Variants in PREPL observed in about 807,000 individuals in gnomAD.
PREPL encodes prolyl endopeptidase like, also known as prolyl endopeptidase-like.
PREPL carries 77 observed loss-of-function variants against 70.6 expected under a neutral mutation model. The observed-to-expected ratio is 1.09, with a 90% CI of 0.91 to 1.32. The LOEUF (loss-of-function observed/expected upper bound fraction) is 1.32. Ranked by LOEUF, PREPL falls within the 40% of genes most tolerant of loss-of-function variation. The probability of loss-of-function intolerance (pLI) is 0.00; values close to 1 mark genes in which losing one functional copy is unlikely to be tolerated. For missense variants in PREPL, 1,002 were observed against 778.2 expected, an observed-to-expected ratio of 1.29 and a Z score of -3.42; for synonymous variants, 315 against 264.8, an observed-to-expected ratio of 1.19 and a Z score of -1.84.
chr2:44,321,385 C>G lies in PREPL; in HGVS notation c.1888G>C (p.Glu630Gln), dbSNP rs892455452. Residue 630 changes from glutamate (E) to glutamine (Q), a missense_variant, in exon 14 of 14, where the codon GAG (glutamate) becomes CAG (glutamine). Coordinates refer to ENST00000409411, the MANE Select transcript of PREPL (RefSeq NM_001171613.2). The stretch of plus-strand genomic sequence containing the variant: ...AATTTCAGGTATTTCTTAAGATCCT[C>G]GAAAACACTGGTGCTGTCAAGTCCA... ...ELGLDSTSVF[E>Q]DLKKYLKF 6.2e-7 allele frequency: 1 copy of G among 1,612,066 alleles called. No individual in the cohort carries two copies. The highest frequency in any genetic ancestry group is 8.5e-7 in the Non-Finnish European group (1 of 1,178,490).
intron 1 of PREPL, among the ~76,000 whole-genome samples, chr2:44,349,515 G>A (rs1676179801): frequency 6.6e-6 from 1 of 152,062 alleles, no homozygotes; most frequent in African/African-American, 2.4e-5. Context: ...TTCAATTTAG[G>A]AAAACAGAAA....
In PREPL at chr2:44,318,707, A is replaced by G. The variant is rs1672656534; in HGVS notation, c.*2649T>C. On this transcript the variant is annotated 3_prime_UTR_variant, in exon 14 of 14. Transcript: ENST00000409411. ...GTGAAGCTATGGAAAGGTGTTGAAGAAAACCTTTTTATAGTATGTATTCTT... is the reference window on the plus strand; with the variant it reads ...GTGAAGCTATGGAAAGGTGTTGAAGGAAACCTTTTTATAGTATGTATTCTT... 1 of 152,228 alleles carries G rather than the reference A, an allele frequency of 6.6e-6. No homozygotes were observed. Among genetic ancestry groups the G allele is most frequent in the East Asian group, 1.9e-4 (1 of 5,204 alleles). The allele number at this position is 152,228 out of a possible 1,614,324, so 9.4% of individuals were successfully genotyped here.
intron 10 of PREPL, among the ~76,000 whole-genome samples, chr2:44,324,889 A>C (rs948832332): frequency 6.6e-6 from 1 of 152,162 alleles, no homozygotes; most frequent in Non-Finnish European, 1.5e-5. Flanking sequence ...ACTCTGACTC[A>C]AAAAACAAAA....
In PREPL at chr2:44,332,519, A is replaced by G. The variant is rs1389313713; in HGVS notation, c.1026T>C (p.Thr342=). The change falls in exon 8 of 14, where the codon ACT becomes ACC. Residue 342 remains threonine (T), a synonymous_variant. Transcript: ENST00000409411. ...KFAEGKLFEE[T]GHEDPITKTS... ...TCTTTGTGATTGGGTCTTCATGCCC[A>G]GTTTCCTCAAACAGTTTGCCTTCTG... The G allele has an allele frequency of 6.2e-7, 1 of 1,614,174 alleles. No individual in the cohort carries two copies.
rs956215652 is a variant in PREPL, at chr2:44,317,780, A to G, written c.*3576T>C. 2.7e-4 allele frequency: 42 copies of G among 153,546 alleles called. No homozygotes were observed. The highest frequency in any genetic ancestry group is 3.9e-4 in the Non-Finnish European group (27 of 68,916). The allele number at this position is 153,546 out of a possible 1,614,324, so 9.5% of individuals were successfully genotyped here. On this transcript the variant is annotated 3_prime_UTR_variant, in exon 14 of 14. Transcript: ENST00000409411. ...AAAAAGCTTAATAGAAAAAAACCCT[A>G]AACAATAGTATAACTACAAATAAAA...
At chr2:44,352,228 C>T (rs899905942) in intron 1 of PREPL, among the ~76,000 whole-genome samples, 1 of 152,108 alleles carries the variant, frequency 6.6e-6, no homozygotes, top group African/African-American at 2.4e-5. Flanking sequence ...CCATAACTAT[C>T]GCTTTTGACC....
intron 8 of PREPL, among the ~76,000 whole-genome samples, chr2:44,331,424 C>CA (rs1674074052): frequency 6.6e-6 from 1 of 151,940 alleles, no homozygotes; most frequent in Non-Finnish European, 1.5e-5. Context: ...CCATATTGGC[C>CA]AGGCTGGTCT....
At chr2:44,348,993 G>A (rs1676117201) in intron 1 of PREPL, among the ~76,000 whole-genome samples, 1 of 152,172 alleles carries the variant, frequency 6.6e-6, no homozygotes, top group South Asian at 2.1e-4. Flanking sequence ...CAATGGAGCT[G>A]AGGTAAGGAT....
chr2:44,351,514 TAAAAAA>T (rs56070602), intron 1 of PREPL, among the ~76,000 whole-genome samples: 1 of 144,302 alleles, frequency 6.9e-6, no homozygotes, highest in African/African-American at 2.5e-5. Context: ...CTCGCCCTAT[TAAAAAA>T]AAAAAAAACA....
Position 44,339,129 on chromosome 2 carries a change from A to G in PREPL, c.702+18T>C. On this transcript the variant is annotated intron_variant, in intron 6 of 13. Transcript: ENST00000409411. ...CTTCTTAACAGCCCAAATAGGAACA[A>G]CGAGCATCCAGGATTACCTTAAATT... 6.2e-7 allele frequency: 1 copy of G among 1,612,504 alleles called. No homozygotes were observed. The highest frequency in any genetic ancestry group is 8.5e-7 in the Non-Finnish European group (1 of 1,178,808).
intron 13 of PREPL, 178 bp downstream of exon 13, chr2:44,321,649 A>AAG: frequency 6.6e-7 from 1 of 1,516,696 alleles, no homozygotes; most frequent in Non-Finnish European, 8.8e-7. Context: ...TATCAAGTAC[A>AAG]AGAGAGAGAC....
chr2:44,345,593 C>A (rs565994152), intron 2 of PREPL, among the ~76,000 whole-genome samples: 1 of 152,184 alleles, frequency 6.6e-6, no homozygotes, highest in East Asian at 1.9e-4. Flanking sequence ...GGTGATCTGC[C>A]CACCTTGACC....
At chr2:44,336,143 A>C (rs1002282655) in intron 7 of PREPL, among the ~76,000 whole-genome samples, 4 of 152,206 alleles carry the variant, frequency 2.6e-5, no homozygotes, top group Non-Finnish European at 5.9e-5. Flanking sequence ...GCAGTTTGGG[A>C]ATTTCTCAAA....
intron 10 of PREPL, among the ~76,000 whole-genome samples, chr2:44,325,045 G>A (rs1572845843): frequency 6.6e-6 from 1 of 152,168 alleles, no homozygotes; most frequent in Non-Finnish European, 1.5e-5. Context: ...TGAGTCATCT[G>A]TAATTCTTTT....
intron 9 of PREPL, 111 bp downstream of exon 9, chr2:44,328,826 G>T (rs891538982): frequency 2.7e-6 from 3 of 1,131,758 alleles, no homozygotes; most frequent in Non-Finnish European, 3.7e-6. Context: ...TACAAAAATT[G>T]AATAATAAGA....
At chr2:44,360,686 T>G (rs1677644742) in intron 1 of PREPL, 1 of 152,140 alleles carries the variant, frequency 6.6e-6, no homozygotes, top group African/African-American at 2.4e-5. Context: ...TCTGCAAAAA[T>G]GAAATGACAC....
intron 1 of PREPL, among the ~76,000 whole-genome samples, chr2:44,350,108 T>C (rs1676256171): frequency 6.6e-6 from 1 of 152,066 alleles, no homozygotes; most frequent in African/African-American, 2.4e-5. Context: ...AATATAACCT[T>C]GACATCAAAA....
At chr2:44,338,562 T>C (rs1332361840) in intron 6 of PREPL, 26 bp from the exon 7 acceptor site, 4 of 1,567,330 alleles carry the variant, frequency 2.6e-6, no homozygotes, top group African/African-American at 1.4e-5. Context: ...TTAGAAGACA[T>C]ATAGGTAAGA....
At position 44,319,559 on chromosome 2, in the gene PREPL, A is replaced by G. The variant is rs1338544554; in HGVS notation, c.*1797T>C. On this transcript the variant is annotated 3_prime_UTR_variant, in exon 14 of 14. Transcript: ENST00000409411. Reference sequence around the variant, plus strand: ...CTTGAAAGGTTAGAAGTACATCATCAAATTATGTTTTATATAGCTGTAAAA... The same window carrying G: ...CTTGAAAGGTTAGAAGTACATCATCGAATTATGTTTTATATAGCTGTAAAA... 1 of 152,484 alleles carries G rather than the reference A, an allele frequency of 6.6e-6. No homozygotes were observed. The highest frequency in any genetic ancestry group is 1.5e-5 in the Non-Finnish European group (1 of 68,258). 9.4% of individuals were successfully genotyped at this position (152,484 alleles called of 1,614,324 possible).
Sources: allele counts gnomAD v4.1 joint callset (sites outside exome capture counted in the v4.1 genomes callset), GRCh38; gene constraint gnomAD v4.1.1; transcripts MANE v1.5; gene names NCBI Gene and HGNC (gene_info 2026-07-23, HGNC 2026-07-21).